POLR2F: variants seen among roughly 807,000 people sequenced by gnomAD.
The protein encoded by POLR2F is DNA-directed RNA polymerases I, II, and III subunit RPABC2.
In POLR2F, 12 loss-of-function variants were observed where a neutral mutation model predicts 22.7. The observed-to-expected ratio is 0.53, with a 90% CI of 0.34 to 0.86. The LOEUF is 0.86. POLR2F is among the 40% of genes least tolerant of loss of function. The pLI is 0.02. For missense variants in POLR2F, 126 were observed against 171.5 expected, an observed-to-expected ratio of 0.73 and a Z score of 1.48; for synonymous variants, 57 against 66.0, an observed-to-expected ratio of 0.86 and a Z score of 0.66.
At chr22:38,034,767 A>G (rs770148338) in intron 5 of POLR2F, among the ~76,000 whole-genome samples, 6 of 152,192 alleles carry the variant, frequency 3.9e-5, no homozygotes, top group Non-Finnish European at 7.3e-5. Flanking sequence ...ATGAGTCAGA[A>G]GCAGCCAGCA....
Position 37,986,249 on chromosome 22 carries a change from C to T in POLR2F, c.59C>T (p.Ala20Val), listed in dbSNP as rs1165455307. The change falls in exon 1 of 3, where the codon GCA becomes GTA. Residue 20 changes from alanine (A) to valine (V), a missense_variant. Ala to Val is a moderately conservative substitution (Grantham distance 64). Transcript: ENST00000333418. This position sits in a 1 kb window ranked among gnomAD's most constrained non-coding sequence, Gnocchi z 4.7. ...CTGCCGTCGTGTCCCGGCTGCCCTG[C>T]AGTCGCCTCCAACACCCGCTGCTGC... 7 of 1,540,198 alleles carry T rather than the reference C, an allele frequency of 4.5e-6. No homozygotes were observed. The East Asian group carries it at 1.7e-4, about 38-fold the overall frequency.
At chr22:38,041,244 CG>C, downstream of POLR2F, 2 of 1,264,900 alleles carry the variant, frequency 1.6e-6, no homozygotes, top group Non-Finnish European at 1.1e-6. Flanking sequence ...GACCAGATGG[CG>C]GGGGCAGGCA....
chr22:37,998,093 G>A (rs1470002351), intron 1 of POLR2F, among the ~76,000 whole-genome samples: 1 of 152,192 alleles, frequency 6.6e-6, no homozygotes, highest in African/African-American at 2.4e-5. Flanking sequence ...CCCTCCCGGG[G>A]CCTCAGTTTC....
intron 3 of POLR2F, among the ~76,000 whole-genome samples, chr22:37,963,525 A>G (rs1284941191): frequency 6.6e-6 from 1 of 152,000 alleles, no homozygotes; most frequent in African/African-American, 2.4e-5. Context: ...CCCCTGCTTC[A>G]GCCTCCAAAG....
At chr22:38,027,179 C>T (rs1467345427), downstream of POLR2F, among the ~76,000 whole-genome samples, 2 of 152,146 alleles carry the variant, frequency 1.3e-5, no homozygotes, top group Non-Finnish European at 2.9e-5. Flanking sequence ...ACACGTGGTC[C>T]ATTCATTCGT....
At chr22:37,994,084 T>C (rs2084687783) in intron 1 of POLR2F, among the ~76,000 whole-genome samples, 1 of 152,234 alleles carries the variant, frequency 6.6e-6, no homozygotes, top group African/African-American at 2.4e-5. Context: ...TGCCAGTTAA[T>C]GCCCCGCATT....
chr22:37,961,341 A>G (rs1931633849), intron 3 of POLR2F, among the ~76,000 whole-genome samples: 1 of 152,164 alleles, frequency 6.6e-6, no homozygotes, highest in Admixed American at 6.6e-5. Flanking sequence ...GATTACAAGC[A>G]TGAGCAACCA....
chr22:38,002,659 A>G (rs2084783071), intron 1 of POLR2F, among the ~76,000 whole-genome samples: 1 of 152,084 alleles, frequency 6.6e-6, no homozygotes. Context: ...GGTGGAGGTG[A>G]TGTTTGGGTG....
intron 2 of POLR2F, chr22:37,958,241 C>A (rs940101776): frequency 6.7e-6 from 1 of 148,372 alleles, no homozygotes; most frequent in Non-Finnish European, 1.5e-5. Context: ...CAGGCTGGAG[C>A]GCAGTGGGGC....
At chr22:37,954,887 C>T (rs911174441) in intron 1 of POLR2F, among the ~76,000 whole-genome samples, 5 of 151,884 alleles carry the variant, frequency 3.3e-5, no homozygotes, top group African/African-American at 9.7e-5. Flanking sequence ...AAAGAGAAGC[C>T]GGGGAGGTGG....
downstream of POLR2F, chr22:37,973,950 C>T: frequency 6.2e-7 from 1 of 1,611,138 alleles, no homozygotes; most frequent in Non-Finnish European, 8.5e-7. Flanking sequence ...CCATAGCCGG[C>T]TGCTGAGTAG....
In POLR2F at chr22:37,978,269, C is replaced by T; in HGVS notation, c.293+11099C>T. 7 of 955,216 alleles carry T rather than the reference C, an allele frequency of 7.3e-6. 1 individual carries two copies. The highest frequency in any genetic ancestry group is 9.0e-6 in the Non-Finnish European group (6 of 664,614). The allele number at this position is 955,216 out of a possible 1,614,324, so 59.2% of individuals were successfully genotyped here. Reference sequence around the variant, plus strand: ...GGGATGGGGCACCCAGAGGACAGGACCCGGGGTGGGGGCTGTGCCCTATGA... The same window carrying T: ...GGGATGGGGCACCCAGAGGACAGGATCCGGGGTGGGGGCTGTGCCCTATGA... On this transcript the variant is annotated intron_variant, in intron 4 of 4. Coordinates refer to the POLR2F transcript ENST00000405557. This position sits in a 1 kb window ranked among gnomAD's most constrained non-coding sequence, Gnocchi z 5.0.
At chr22:38,014,810 T>C (rs1261332403) in intron 1 of POLR2F, among the ~76,000 whole-genome samples, 1 of 143,128 alleles carries the variant, frequency 7.0e-6, no homozygotes, top group Non-Finnish European at 1.5e-5. Context: ...TTTTGTATTT[T>C]TTTTTTTTTT....
At chr22:38,014,420 G>A (rs946072510) in intron 1 of POLR2F, among the ~76,000 whole-genome samples, 10 of 149,600 alleles carry the variant, frequency 6.7e-5, no homozygotes, top group Admixed American at 2.0e-4. Context: ...GTGCTATCTC[G>A]GCTCATCACA....
chr22:38,023,871 TCA>T (rs2084983045), intron 1 of POLR2F, among the ~76,000 whole-genome samples: 1 of 135,452 alleles, frequency 7.4e-6, no homozygotes, highest in Admixed American at 8.2e-5. Context: ...ATACGGATTC[TCA>T]CTGCGTTGCC....
In POLR2F at chr22:38,016,282, C is replaced by T. The variant is rs1214895928; in HGVS notation, c.121-9587C>T. On this transcript the variant is annotated intron_variant, in intron 1 of 2. Transcript: ENST00000333418. This position sits in a 1 kb window ranked among gnomAD's most constrained non-coding sequence, Gnocchi z 4.4. ...CACCCTTGGGGGTCATTTCAGAAGGCCTCCTCCAATGAGGCATTACTCTGG... is the reference window on the plus strand; with the variant it reads ...CACCCTTGGGGGTCATTTCAGAAGGTCTCCTCCAATGAGGCATTACTCTGG... 6.6e-6 allele frequency among the ~76,000 whole-genome samples: 1 copy of T among 152,194 alleles called. No individual in the cohort carries two copies. The highest frequency in any genetic ancestry group is 6.5e-5 in the Admixed American group (1 of 15,278).
chr22:37,969,282 ACTTCT>A lies in POLR2F; in HGVS notation c.*1571_*1575del. The A allele has an allele frequency of 1.0e-6, 1 of 985,158 alleles. No homozygotes were observed. 61.0% of individuals were successfully genotyped at this position (985,158 alleles called of 1,614,324 possible). A position where few individuals can be genotyped will look rare whatever the true frequency, so the allele number is the denominator to read the frequency against. ...TTCAGCTGTCTGGGCCTGGCTTTTGACTTCTCTTGAATAAAATGTCCCGGTCACCA... is the reference window on the plus strand; with the variant it reads ...TTCAGCTGTCTGGGCCTGGCTTTTGACTTGAATAAAATGTCCCGGTCACCA... On this transcript the variant is annotated 3_prime_UTR_variant, in exon 5 of 5. Coordinates refer to ENST00000442738, the MANE Select transcript of POLR2F (RefSeq NM_021974.5).
chr22:37,994,421 C>A (rs1160575268), intron 1 of POLR2F, among the ~76,000 whole-genome samples: 1 of 152,174 alleles, frequency 6.6e-6, no homozygotes, highest in Non-Finnish European at 1.5e-5. Flanking sequence ...CATCACGGCT[C>A]ACTGCAGCTT....
intron 3 of POLR2F, among the ~76,000 whole-genome samples, chr22:37,963,989 C>A (rs5995526): frequency 6.6e-6 from 1 of 152,002 alleles, no homozygotes. Flanking sequence ...ATAATCCCAG[C>A]TACTCGGGAG....
Sources: gnomAD v4.1 joint callset for allele counts (sites outside exome capture counted in the v4.1 genomes callset) on GRCh38, gnomAD v4.1.1 for gene constraint, Gnocchi (gnomAD v3.1) non-coding constraint, MANE v1.5 for transcripts, NCBI Gene and HGNC (gene_info 2026-07-23, HGNC 2026-07-21) for gene names.